Variants in MFSD11 observed in about 807,000 individuals in gnomAD.
The protein encoded by MFSD11 is major facilitator superfamily domain containing 11, also known as UNC93-like protein MFSD11.
In MFSD11, 36 loss-of-function variants were observed where a neutral mutation model predicts 53.5. That is an observed-to-expected ratio of 0.67 (90% confidence interval 0.52 to 0.89). MFSD11 has a LOEUF of 0.89. Ranked by LOEUF, MFSD11 falls within the 40% of genes least tolerant of loss-of-function variation. The pLI is 0.00. For missense variants in MFSD11, 530 were observed against 543.9 expected (o/e 0.97, Z 0.25); for synonymous variants, 186 against 184.9 (o/e 1.01, Z -0.05).
At chr17:76,774,974 G>A (rs887780232) in intron 10 of MFSD11, 23 bp from the exon 11 acceptor site, 11 of 1,607,056 alleles carry the variant, frequency 6.8e-6, no homozygotes, top group African/African-American at 2.7e-5. Flanking sequence ...CATTAGTGAC[G>A]TTTCTGCCAT....
Position 76,756,122 on chromosome 17 carries a change from A to ATT in MFSD11, c.682+2052_682+2053dup, listed in dbSNP as rs112392636. Among the ~76,000 whole-genome samples, 150 of 103,782 alleles carry ATT rather than the reference A, an allele frequency of 1.4e-3. 3 individuals are homozygous for ATT. The highest frequency in any genetic ancestry group is 4.8e-3 in the African/African-American group (136 of 28,526). 68.1% of individuals were successfully genotyped at this position (103,782 alleles called of 152,430 possible). On this transcript the variant is annotated intron_variant, in intron 8 of 12. Transcript: ENST00000685175. ...TACAGGCATGAGCCACTGCACCCAG[A>ATT]TTTTTTTTTTTTTTTTTTGAAACAG...
intron 8 of MFSD11, among the ~76,000 whole-genome samples, chr17:76,763,292 T>C (rs555312031): frequency 6.5e-4 from 98 of 151,316 alleles, no homozygotes; most frequent in African/African-American, 2.3e-3. Flanking sequence ...TGAGGTGGAG[T>C]ATTGCTCTGC....
intron 6 of MFSD11, among the ~76,000 whole-genome samples, chr17:76,743,942 A>C (rs1354384795): frequency 6.6e-6 from 1 of 152,092 alleles, no homozygotes; most frequent in East Asian, 1.9e-4. Flanking sequence ...CTAGGATTAT[A>C]GTTTATGACT....
intron 8 of MFSD11, among the ~76,000 whole-genome samples, chr17:76,759,128 G>T (rs1388907167): frequency 1.3e-5 from 2 of 152,106 alleles, no homozygotes; most frequent in Non-Finnish European, 2.9e-5. Context: ...ATGGTGGCAC[G>T]TCCCAGCTAT....
At chr17:76,738,076 C>T (rs912767861), upstream of MFSD11, 1 of 457,532 alleles carries the variant, frequency 2.2e-6, no homozygotes, top group Non-Finnish European at 3.8e-6. Flanking sequence ...TCGTGGGCCC[C>T]TCAACCTGGA....
intron 10 of MFSD11, 54 bp downstream of exon 10, chr17:76,769,925 A>G: frequency 2.0e-6 from 3 of 1,530,538 alleles, no homozygotes; most frequent in Non-Finnish European, 2.7e-6. Flanking sequence ...TTATAGGTAA[A>G]ATAGAAATTT....
chr17:76,792,410 C>T, the MFSD11 span, among the ~76,000 whole-genome samples: 3 of 151,086 alleles, frequency 2.0e-5, 1 homozygote, highest in African/African-American at 7.4e-5. Flanking sequence ...TGAGCCACTG[C>T]ACCCGGTGTA....
intron 8 of MFSD11, among the ~76,000 whole-genome samples, chr17:76,764,175 GTATACA>G (rs1420322192): frequency 6.6e-5 from 10 of 152,132 alleles, no homozygotes; most frequent in Non-Finnish European, 1.5e-5. Flanking sequence ...TTTGATATAT[GTATACA>G]TTGTGAAATG....
In MFSD11 at chr17:76,769,774, A is replaced by C. The variant is rs558911082; in HGVS notation, c.777A>C (p.Val259=). ...TGGAATTAACTTTCTTCTCTGGTGT[A>C]TATGGAACCTGTATTGGTGCTACAA... ...TGLELTFFSG[V]YGTCIGATNK... is the part of the protein sequence containing the mutation. The change falls in exon 10 of 13, where the codon GTA becomes GTC. Residue 259 remains valine (V), a synonymous_variant. Transcript: ENST00000685175. The C allele has an allele frequency of 1.6e-3, 2,556 of 1,610,036 alleles. 53 individuals carry two copies. In the South Asian group the frequency reaches 0.027, roughly 17 times the overall value.
rs548029611 is a variant in MFSD11, at chr17:76,753,670, G to A, written c.642-377G>A. Among the ~76,000 whole-genome samples the A allele has an allele frequency of 2.9e-5, 4 of 139,660 alleles. No homozygotes were observed. In the East Asian group the frequency reaches 8.3e-4, roughly 29 times the overall value. 91.6% of individuals were successfully genotyped at this position (139,660 alleles called of 152,430 possible). Reference sequence around the variant, plus strand: ...ATCACAGCACTCCAGCCTGGGAGGTGGAGTGCGACCCTGTCTCAAAAAAAA... The same window carrying A: ...ATCACAGCACTCCAGCCTGGGAGGTAGAGTGCGACCCTGTCTCAAAAAAAA... On this transcript the variant is annotated intron_variant, in intron 7 of 12. Coordinates refer to ENST00000685175, the MANE Select transcript of MFSD11 (RefSeq NM_001242532.5).
chr17:76,783,443 C>G (rs2082220560), downstream of MFSD11, among the ~76,000 whole-genome samples: 1 of 152,134 alleles, frequency 6.6e-6, no homozygotes, highest in Non-Finnish European at 1.5e-5. Context: ...TTTTCCCATA[C>G]CCCAACTTGA....
At chr17:76,767,348 A>G in intron 8 of MFSD11, 38 bp from the exon 9 acceptor site, 1 of 1,283,766 alleles carries the variant, frequency 7.8e-7, no homozygotes, top group Non-Finnish European at 1.1e-6. Flanking sequence ...TTATTAACTA[A>G]AATCTAATTA....
Position 76,738,150 on chromosome 17 carries a change from A to G in MFSD11, c.-203A>G. 1 of 602,196 alleles carries G rather than the reference A, an allele frequency of 1.7e-6. No homozygotes were observed. The highest frequency in any genetic ancestry group is 2.9e-6 in the Non-Finnish European group (1 of 340,986). 37.3% of individuals were successfully genotyped at this position (602,196 alleles called of 1,614,324 possible). On this transcript the variant is annotated 5_prime_UTR_variant, in exon 1 of 13. Transcript: ENST00000685175. ...TTCCGTACTCGGATCGCTTCTTAGG[A>G]GTATCCTAACTGCCGGTGGGGAGAA...
downstream of MFSD11, among the ~76,000 whole-genome samples, chr17:76,781,901 AG>A (rs1382384119): frequency 6.6e-6 from 1 of 151,988 alleles, no homozygotes; most frequent in African/African-American, 2.4e-5. Flanking sequence ...GGCTCACTGC[AG>A]CTTTGACGTC....
In MFSD11 at chr17:76,775,171, G is replaced by C. The variant is rs1340608348; in HGVS notation, c.1049G>C (p.Ser350Thr). The change falls in exon 11 of 13, where the codon AGC becomes ACC. Residue 350 changes from serine to threonine, a missense_variant and splice_region_variant. Transcript: ENST00000685175. ...GACAGCAGTGCTTACATCAAATCCA[G>C]GTATAGTGGCTGTCATTTCTCTAGT... ...GTDSSAYIKS[S>T]KEVAILCSFL... 1 of 1,612,956 alleles carries C rather than the reference G, an allele frequency of 6.2e-7. No individual in the cohort carries two copies. The highest frequency in any genetic ancestry group is 8.5e-7 in the Non-Finnish European group (1 of 1,179,610).
intron 8 of MFSD11, among the ~76,000 whole-genome samples, chr17:76,756,551 A>C (rs1207387118): frequency 6.6e-6 from 1 of 152,140 alleles, no homozygotes; most frequent in African/African-American, 2.4e-5. Context: ...CAGGCCTAGA[A>C]ACTTGTCTGT....
intron 1 of MFSD11, 194 bp downstream of exon 1, chr17:76,738,642 C>T (rs961571268): frequency 9.8e-6 from 6 of 610,320 alleles, no homozygotes; most frequent in Non-Finnish European, 1.7e-5. Context: ...TAAGCATTAT[C>T]GTTTAATCTG....
chr17:76,795,491 A>C, the MFSD11 span, among the ~76,000 whole-genome samples: 8 of 146,870 alleles, frequency 5.4e-5, no homozygotes, highest in African/African-American at 7.4e-5. Flanking sequence ...TCCATCTCCC[A>C]AAAAAAAAAA....
chr17:76,746,638 G>A (rs1161731103), intron 7 of MFSD11, among the ~76,000 whole-genome samples: 1 of 152,148 alleles, frequency 6.6e-6, no homozygotes, highest in Non-Finnish European at 1.5e-5. Context: ...TGACCCTTAA[G>A]AATCATGCTT....
Sources: allele counts gnomAD v4.1 joint callset (sites outside exome capture counted in the v4.1 genomes callset), GRCh38; gene constraint gnomAD v4.1.1; transcripts MANE v1.5; gene names NCBI Gene and HGNC (gene_info 2026-07-23, HGNC 2026-07-21).